AGBL4: variants seen among roughly 807,000 people sequenced by gnomAD.
AGBL4 encodes AGBL carboxypeptidase 4.
In AGBL4, 58 loss-of-function variants were observed where a neutral mutation model predicts 66.4. The observed-to-expected ratio is 0.87, with a 90% CI of 0.71 to 1.09. The LOEUF (loss-of-function observed/expected upper bound fraction) is 1.09. AGBL4 is among the 50% of genes least tolerant of loss of function. The pLI is 0.00. For synonymous variants in AGBL4, 234 were observed against 222.9 expected, an observed-to-expected ratio of 1.05 and a Z score of -0.44; for missense variants, 579 against 631.0, an observed-to-expected ratio of 0.92 and a Z score of 0.88.
In AGBL4 at chr1:49,099,672, G is replaced by A. The variant is rs113156440; in HGVS notation, c.378-53872C>T. Among the ~76,000 whole-genome samples the A allele has an allele frequency of 1.1e-3, 172 of 152,138 alleles. 1 individual carries two copies. The highest frequency in any genetic ancestry group is 4.0e-3 in the African/African-American group (166 of 41,524). On this transcript the variant is annotated intron_variant, in intron 4 of 13. Coordinates refer to ENST00000371839, the MANE Select transcript of AGBL4 (RefSeq NM_032785.4). ...CCATACTATAATTTATTTGTGTAAT[G>A]ACTGCCTGTCACCCTAGACTGTGAT...
At chr1:49,096,144 A>G (rs1227023488) in intron 4 of AGBL4, among the ~76,000 whole-genome samples, 1 of 145,822 alleles carries the variant, frequency 6.9e-6, no homozygotes, top group Non-Finnish European at 1.5e-5. Context: ...ATGAGATACC[A>G]TCTCACACCA....
At chr1:49,059,147 A>G (rs1644357677) in intron 4 of AGBL4, among the ~76,000 whole-genome samples, 1 of 152,156 alleles carries the variant, frequency 6.6e-6, no homozygotes, top group African/African-American at 2.4e-5. Flanking sequence ...AGCCCCTCTT[A>G]TCACAGGCCC....
At chr1:49,593,722 T>C (rs950943205) in intron 3 of AGBL4, among the ~76,000 whole-genome samples, 1 of 152,190 alleles carries the variant, frequency 6.6e-6, no homozygotes, top group African/African-American at 2.4e-5. Context: ...GGGGATAAAA[T>C]ATTATTTCTC....
chr1:49,273,285 A>T (rs1644098838), intron 3 of AGBL4, among the ~76,000 whole-genome samples: 1 of 152,100 alleles, frequency 6.6e-6, no homozygotes, highest in African/African-American at 2.4e-5. Context: ...GGTTACTGAG[A>T]GTTAACATCA....
chr1:49,782,884 C>T (rs1483282983), intron 2 of AGBL4, among the ~76,000 whole-genome samples: 1 of 152,096 alleles, frequency 6.6e-6, no homozygotes, highest in Non-Finnish European at 1.5e-5. Flanking sequence ...TTCCAGCTTC[C>T]AGAGCCATAA....
intron 1 of AGBL4, among the ~76,000 whole-genome samples, chr1:50,000,383 C>T (rs140137389): frequency 6.6e-6 from 1 of 152,214 alleles, no homozygotes; most frequent in East Asian, 1.9e-4. Context: ...CCACCTTACT[C>T]CTACAAGAAT....
At chr1:49,403,915 T>C (rs1217682998) in intron 3 of AGBL4, among the ~76,000 whole-genome samples, 1 of 152,214 alleles carries the variant, frequency 6.6e-6, no homozygotes, top group Non-Finnish European at 1.5e-5. Flanking sequence ...CTCTGTCTTC[T>C]GATAGATCTT....
At chr1:48,751,424 T>C (rs1651712780) in intron 6 of AGBL4, among the ~76,000 whole-genome samples, 1 of 152,174 alleles carries the variant, frequency 6.6e-6, no homozygotes, top group Non-Finnish European at 1.5e-5. Context: ...GCCTGACGCA[T>C]GGCAAAGCAA....
At chr1:50,011,896 A>T (rs1401003613) in intron 1 of AGBL4, among the ~76,000 whole-genome samples, 1 of 152,148 alleles carries the variant, frequency 6.6e-6, no homozygotes, top group African/African-American at 2.4e-5. Flanking sequence ...GCGATGGCTC[A>T]CGCCTGTAAT....
Position 48,931,760 on chromosome 1 carries a change from C to T in AGBL4, c.595-64530G>A, listed in dbSNP as rs184041612. Among the ~76,000 whole-genome samples the T allele has an allele frequency of 4.6e-4, 70 of 152,264 alleles. 1 individual carries two copies. The South Asian group carries it at 9.8e-3, about 21-fold the overall frequency. On this transcript the variant is annotated intron_variant, in intron 5 of 13. Transcript: ENST00000371839. The stretch of plus-strand genomic sequence containing the variant: ...CAGGGCTCAAGCGATCTGCCAGCTT[C>T]GGCTTCCTGAAGTGCTGGGATTACA...
chr1:49,782,744 C>G (rs1006811696), intron 2 of AGBL4, among the ~76,000 whole-genome samples: 2 of 152,130 alleles, frequency 1.3e-5, no homozygotes, highest in African/African-American at 4.8e-5. Flanking sequence ...AGAAGCAGTT[C>G]CTTATGAAAG....
At chr1:49,675,695 A>G (rs1021113085) in intron 3 of AGBL4, among the ~76,000 whole-genome samples, 2 of 152,088 alleles carry the variant, frequency 1.3e-5, no homozygotes. Context: ...GTTTGTCAGT[A>G]GGTTAACTGT....
downstream of AGBL4, among the ~76,000 whole-genome samples, chr1:48,531,677 G>A (rs571723667): frequency 6.6e-6 from 1 of 152,310 alleles, no homozygotes; most frequent in South Asian, 2.1e-4. Context: ...CACAGAACAA[G>A]TTTGCTTCTT....
At chr1:49,193,995 G>C (rs1330585876) in intron 4 of AGBL4, among the ~76,000 whole-genome samples, 1 of 152,132 alleles carries the variant, frequency 6.6e-6, no homozygotes, top group Non-Finnish European at 1.5e-5. Context: ...TTCTGCAATT[G>C]TTTTATCAAA....
rs1334293340 is a variant in AGBL4, at chr1:49,242,004, A to T, written c.377+3766T>A. Among the ~76,000 whole-genome samples, 6 of 151,868 alleles carry T rather than the reference A, an allele frequency of 4.0e-5. No individual in the cohort carries two copies. In the East Asian group the frequency reaches 1.2e-3, roughly 29 times the overall value. On this transcript the variant is annotated intron_variant, in intron 4 of 13. Transcript: ENST00000371839. ...TTCCATTCCTTGAGATATAGCTGAAATATCACCTGGTCCTTAGCATGTCTC... is the reference window on the plus strand; with the variant it reads ...TTCCATTCCTTGAGATATAGCTGAATTATCACCTGGTCCTTAGCATGTCTC...
intron 5 of AGBL4, among the ~76,000 whole-genome samples, chr1:48,995,826 G>A (rs1419449785): frequency 6.6e-6 from 1 of 152,138 alleles, no homozygotes; most frequent in African/African-American, 2.4e-5. Flanking sequence ...TGCCTTATTG[G>A]CCATGATAAG....
intron 6 of AGBL4, among the ~76,000 whole-genome samples, chr1:48,836,757 T>C (rs1646683761): frequency 6.6e-6 from 1 of 152,040 alleles, no homozygotes; most frequent in Admixed American, 6.6e-5. Flanking sequence ...TTGTGAGATA[T>C]GCCAGTTCAT....
chr1:49,528,790 G>A (rs1371230759), intron 3 of AGBL4, among the ~76,000 whole-genome samples: 1 of 152,004 alleles, frequency 6.6e-6, no homozygotes, highest in Non-Finnish European at 1.5e-5. Flanking sequence ...TTCAGGCAGA[G>A]GAAAGAGAAT....
intron 4 of AGBL4, among the ~76,000 whole-genome samples, chr1:49,196,522 G>C (rs1414956194): frequency 6.6e-6 from 1 of 151,930 alleles, no homozygotes; most frequent in African/African-American, 2.4e-5. Context: ...CTTTTGGTTA[G>C]GATCCATTAC....
Sources: allele counts gnomAD v4.1 joint callset (sites outside exome capture counted in the v4.1 genomes callset), GRCh38; gene constraint gnomAD v4.1.1; transcripts MANE v1.5; gene names NCBI Gene and HGNC (gene_info 2026-07-23, HGNC 2026-07-21).